The following PTPN2 variants were observed in gnomAD, a reference collection of about 807,000 sequenced individuals.
PTPN2 encodes protein tyrosine phosphatase non-receptor type 2.
A neutral mutation model predicts 57.3 loss-of-function variants in PTPN2; 19 were observed. The observed-to-expected ratio is 0.33, with a 90% CI of 0.23 to 0.49. The LOEUF (loss-of-function observed/expected upper bound fraction) is 0.49. Ranked by LOEUF, PTPN2 falls within the 20% of genes least tolerant of loss-of-function variation. PTPN2 has a pLI of 0.99. For synonymous variants in PTPN2, 153 were observed against 164.9 expected, an observed-to-expected ratio of 0.93 and a Z score of 0.55; for missense variants, 358 against 501.1, an observed-to-expected ratio of 0.71 and a Z score of 2.73.
chr18:12,831,143 A>G (rs948298395), intron 3 of PTPN2, 102 bp from the exon 4 acceptor site: 18 of 699,746 alleles, frequency 2.6e-5, no homozygotes, highest in Non-Finnish European at 4.0e-5. Context: ...TACAAGACAG[A>G]CAGCGGACGG....
chr18:12,848,063 G>A (rs2043274601), intron 2 of PTPN2, among the ~76,000 whole-genome samples: 1 of 151,960 alleles, frequency 6.6e-6, no homozygotes, highest in Admixed American at 6.6e-5. Context: ...AATGGGATAA[G>A]AAAAAATGTT....
At chr18:12,827,311 C>T (rs1298140962) in intron 4 of PTPN2, among the ~76,000 whole-genome samples, 1 of 150,542 alleles carries the variant, frequency 6.6e-6, no homozygotes, top group Admixed American at 6.6e-5. Context: ...GCACTGCACT[C>T]CAGCCTGGGC....
chr18:12,799,711 TG>T (rs1381409074), intron 8 of PTPN2, among the ~76,000 whole-genome samples: 2 of 152,048 alleles, frequency 1.3e-5, no homozygotes, highest in Admixed American at 6.6e-5. Context: ...CCCAAGAAGC[TG>T]GGACAACAGG....
chr18:12,788,492 C>T (rs777907124), downstream of PTPN2, among the ~76,000 whole-genome samples: 1 of 131,998 alleles, frequency 7.6e-6, no homozygotes, highest in Non-Finnish European at 1.5e-5. Context: ...AGGCTGGTCT[C>T]GAACCCCTGG....
intron 3 of PTPN2, among the ~76,000 whole-genome samples, chr18:12,835,575 C>T (rs1039125586): frequency 2.2e-4 from 34 of 151,842 alleles, no homozygotes; most frequent in African/African-American, 8.2e-4. Context: ...GGGGTTTCAC[C>T]GTGTTGGCCA....
At chr18:12,858,123 G>A (rs943111107) in intron 2 of PTPN2, among the ~76,000 whole-genome samples, 1 of 152,136 alleles carries the variant, frequency 6.6e-6, no homozygotes, top group Non-Finnish European at 1.5e-5. Context: ...TATACAGTCT[G>A]TGTCCTTGAA....
intron 3 of PTPN2, 129 bp downstream of exon 3, chr18:12,836,659 ACAT>A: frequency 1.7e-6 from 1 of 605,852 alleles, no homozygotes; most frequent in East Asian, 2.9e-5. Flanking sequence ...ATAATTCATT[ACAT>A]CGTCAGAAAA....
At chr18:12,799,426 A>C (rs1486391967) in intron 8 of PTPN2, among the ~76,000 whole-genome samples, 1 of 152,048 alleles carries the variant, frequency 6.6e-6, no homozygotes, top group Non-Finnish European at 1.5e-5. Context: ...CAGGAAAAAA[A>C]AAAAGAAAAA....
Position 12,825,943 on chromosome 18 carries a change from A to G in PTPN2, c.362T>C (p.Val121Ala), listed in dbSNP as rs1290556737. 6.3e-7 allele frequency: 1 copy of G among 1,587,634 alleles called. No individual in the cohort carries two copies. The highest frequency in any genetic ancestry group is 8.6e-7 in the Non-Finnish European group (1 of 1,168,138). Residue 121 changes from valine to alanine, a missense_variant and splice_region_variant, in exon 5 of 9, where the codon GTT becomes GCT. Val to Ala is a moderately conservative substitution (Grantham distance 64, BLOSUM62 0). Transcript: ENST00000309660. Reference protein sequence around the residue: ...MLNRIVEKESVKCAQYWPTDD... With the variant: ...MLNRIVEKESAKCAQYWPTDD... The stretch of plus-strand genomic sequence containing the variant: ...TGTTGGCCAGTACTGTGCACATTTA[A>G]CCTAAATTTAGAAATATGTATATGA...
chr18:12,881,603 T>C (rs1422313414), intron 1 of PTPN2, among the ~76,000 whole-genome samples: 2 of 152,186 alleles, frequency 1.3e-5, no homozygotes, highest in Admixed American at 1.3e-4. Context: ...TCTCTCAGCA[T>C]TCCCTCAGTG....
intron 1 of PTPN2, among the ~76,000 whole-genome samples, chr18:12,877,384 T>C (rs972997107): frequency 6.6e-6 from 1 of 152,188 alleles, no homozygotes; most frequent in Non-Finnish European, 1.5e-5. Flanking sequence ...CGGTCTAGTC[T>C]TGAAGATGTT....
At chr18:12,868,029 C>T (rs2044050882) in intron 1 of PTPN2, among the ~76,000 whole-genome samples, 1 of 152,212 alleles carries the variant, frequency 6.6e-6, no homozygotes, top group Non-Finnish European at 1.5e-5. Flanking sequence ...ACCTGTGTGG[C>T]CGCTTACACT....
chr18:12,880,482 G>C (rs1023569297), intron 1 of PTPN2: 19 of 152,208 alleles, frequency 1.2e-4, no homozygotes, highest in African/African-American at 4.3e-4. Flanking sequence ...TTGGTAGTTT[G>C]CATTTCCTCC....
chr18:12,825,782 C>A (rs746296910), intron 5 of PTPN2, 28 bp downstream of exon 5: 1 of 1,585,150 alleles, frequency 6.3e-7, no homozygotes, highest in Non-Finnish European at 8.6e-7. Context: ...CATATAAAGT[C>A]CACAATTTCG....
intron 5 of PTPN2, among the ~76,000 whole-genome samples, chr18:12,818,307 G>A (rs1180020912): frequency 6.6e-6 from 1 of 152,136 alleles, no homozygotes; most frequent in Non-Finnish European, 1.5e-5. Flanking sequence ...TTAATCTAAA[G>A]AAACGATCTT....
At chr18:12,788,524 C>T (rs1346349709), downstream of PTPN2, among the ~76,000 whole-genome samples, 9 of 149,744 alleles carry the variant, frequency 6.0e-5, no homozygotes, top group African/African-American at 9.9e-5. Flanking sequence ...TCTCCAGCCT[C>T]GGCCTCCCAA....
intron 2 of PTPN2, among the ~76,000 whole-genome samples, chr18:12,842,856 C>T (rs893584783): frequency 6.6e-6 from 1 of 152,120 alleles, no homozygotes; most frequent in African/African-American, 2.4e-5. Flanking sequence ...TGATGAATTC[C>T]AGAAGATTTT....
chr18:12,857,884 G>A (rs1346442346), intron 2 of PTPN2, among the ~76,000 whole-genome samples: 1 of 152,174 alleles, frequency 6.6e-6, no homozygotes, highest in African/African-American at 2.4e-5. Flanking sequence ...GTATTTAATA[G>A]TAATTTATAA....
At chr18:12,865,814 A>C (rs77960026) in intron 1 of PTPN2, among the ~76,000 whole-genome samples, 15 of 148,038 alleles carry the variant, frequency 1.0e-4, no homozygotes, top group African/African-American at 3.2e-4. Context: ...CCCCACTCCC[A>C]AAAAAAAAAC....
Sources: gnomAD v4.1 joint callset for allele counts (sites outside exome capture counted in the v4.1 genomes callset) on GRCh38, gnomAD v4.1.1 for gene constraint, MANE v1.5 for transcripts, NCBI Gene and HGNC (gene_info 2026-07-23, HGNC 2026-07-21) for gene names.